Variants in PIGU observed in about 807,000 individuals in gnomAD.
The protein encoded by PIGU is GPI-anchor transamidase component PIGU.
A neutral mutation model predicts 49.9 loss-of-function variants in PIGU; 24 were observed. The ratio of observed to expected loss-of-function variants is 0.48; its 90% CI spans 0.35 to 0.68. The LOEUF (loss-of-function observed/expected upper bound fraction) is 0.68, where lower values mean the gene tolerates loss of function less well. Among genes scored for constraint, PIGU ranks in the 30% least tolerant of loss-of-function variants. PIGU has a pLI of 0.01. For missense variants in PIGU, 490 were observed against 532.6 expected (o/e 0.92, Z 0.79); for synonymous variants, 220 against 205.7 (o/e 1.07, Z -0.59).
intron 6 of PIGU, among the ~76,000 whole-genome samples, chr20:34,626,637 G>T (rs546515593): frequency 2.0e-5 from 3 of 152,174 alleles, no homozygotes; most frequent in East Asian, 3.9e-4. Flanking sequence ...ACTGCCCATG[G>T]TTGTACAAAT....
chr20:34,594,397 C>A (rs1161435038), intron 7 of PIGU, among the ~76,000 whole-genome samples: 2 of 152,070 alleles, frequency 1.3e-5, no homozygotes, highest in African/African-American at 4.8e-5. Flanking sequence ...GCGTACTACA[C>A]AGCCTTAAAA....
intron 7 of PIGU, among the ~76,000 whole-genome samples, chr20:34,607,044 C>T (rs987925207): frequency 1.3e-5 from 2 of 152,240 alleles, no homozygotes; most frequent in African/African-American, 4.8e-5. Context: ...CAGGCGTGAG[C>T]CACCATGCCC....
intron 6 of PIGU, among the ~76,000 whole-genome samples, chr20:34,625,856 G>T (rs1462636978): frequency 2.0e-5 from 3 of 151,068 alleles, no homozygotes; most frequent in Admixed American, 6.6e-5. Flanking sequence ...GTTACAGTGA[G>T]CTATGACTGT....
intron 1 of PIGU, 108 bp downstream of exon 1, chr20:34,676,844 CAGTT>C (rs1483910444): frequency 1.7e-5 from 23 of 1,317,674 alleles, no homozygotes; most frequent in Middle Eastern, 2.8e-4. Context: ...ACGAGACAGT[CAGTT>C]AGTTCTCTAG....
intron 1 of PIGU, among the ~76,000 whole-genome samples, chr20:34,673,863 G>A (rs751702889): frequency 4.0e-5 from 6 of 151,792 alleles, no homozygotes; most frequent in Non-Finnish European, 7.4e-5. Context: ...GACCAGCCTG[G>A]CTAATATGGT....
chr20:34,610,465 T>C (rs1406146629), intron 7 of PIGU, among the ~76,000 whole-genome samples: 1 of 152,028 alleles, frequency 6.6e-6, no homozygotes, highest in Non-Finnish European at 1.5e-5. Flanking sequence ...ATTGCTACAA[T>C]GAGAATAAAA....
At chr20:34,590,572 GTAACGTAACA>G (rs1383348698) in intron 7 of PIGU, among the ~76,000 whole-genome samples, 23 of 121,016 alleles carry the variant, frequency 1.9e-4, no homozygotes, top group African/African-American at 6.1e-4. Context: ...ATAAAATAGC[GTAACGTAACA>G]TAACATAACA....
chr20:34,672,856 C>A (rs6059975), intron 1 of PIGU, among the ~76,000 whole-genome samples: 40,552 of 113,400 alleles, frequency 0.36, 8,997 homozygotes, highest in Admixed American at 0.56. Context: ...CCCTGTCTCT[C>A]AAAAAAAAAA....
chr20:34,589,104 TACACAC>T (rs11469162), intron 7 of PIGU, among the ~76,000 whole-genome samples: 4,225 of 145,968 alleles, frequency 0.029, 73 homozygotes, highest in Middle Eastern at 0.045. Flanking sequence ...TACTATTATT[TACACAC>T]ACACACACAC....
At chr20:34,621,622 C>G (rs1476478421) in intron 6 of PIGU, among the ~76,000 whole-genome samples, 1 of 151,792 alleles carries the variant, frequency 6.6e-6, no homozygotes, top group Non-Finnish European at 1.5e-5. Context: ...TCAGAAAGGG[C>G]TATGTGTTTT....
intron 6 of PIGU, among the ~76,000 whole-genome samples, chr20:34,627,795 C>A (rs902151017): frequency 2.0e-5 from 3 of 152,108 alleles, no homozygotes; most frequent in Admixed American, 1.3e-4. Flanking sequence ...CTATCTGAAC[C>A]TGACACTCTG....
intron 1 of PIGU, among the ~76,000 whole-genome samples, chr20:34,668,515 A>G (rs1453891395): frequency 6.8e-6 from 1 of 146,628 alleles, no homozygotes; most frequent in Non-Finnish European, 1.5e-5. Context: ...TCACACCCGT[A>G]ATCCCAGCAC....
intron 7 of PIGU, among the ~76,000 whole-genome samples, chr20:34,591,039 A>AAATAT (rs1555796927): frequency 6.7e-6 from 1 of 150,316 alleles, no homozygotes; most frequent in Non-Finnish European, 1.5e-5. Flanking sequence ...GAGAAAAAAA[A>AAATAT]ATATATATAT....
At chr20:34,588,199 C>T (rs1032314352) in intron 8 of PIGU, among the ~76,000 whole-genome samples, 37 of 151,856 alleles carry the variant, frequency 2.4e-4, no homozygotes, top group African/African-American at 8.0e-4. Flanking sequence ...GTGCAGTGAG[C>T]GGAGATGGCC....
At chr20:34,581,776 C>T (rs1468555848) in intron 9 of PIGU, 104 bp from the exon 10 acceptor site, 1 of 1,406,006 alleles carries the variant, frequency 7.1e-7, no homozygotes, top group Non-Finnish European at 9.6e-7. Context: ...CCTCAGGGGA[C>T]TTCAGGAAGG....
rs1286690142 is a variant in PIGU at position 34,668,921 on chromosome 20, GCCAGGC to G, written c.130+8029_130+8034del. ...TTTTTACACAGGGTCTTGCTCTGGT[GCCAGGC>G]TACATACAGTGCAGTGGCATGATCA... On this transcript the variant is annotated intron_variant, in intron 1 of 11. Coordinates refer to ENST00000217446, the MANE Select transcript of PIGU (RefSeq NM_080476.5). Among the ~76,000 whole-genome samples, 774 of 110,454 alleles carry G rather than the reference GCCAGGC, an allele frequency of 7.0e-3. 8 individuals carry two copies. The highest frequency in any genetic ancestry group is 0.026 in the African/African-American group (732 of 28,168). The allele number at this position is 110,454 out of a possible 152,430, so 72.5% of individuals were successfully genotyped here.
chr20:34,663,524 A>G (rs979738958), intron 1 of PIGU, among the ~76,000 whole-genome samples: 16 of 152,096 alleles, frequency 1.1e-4, no homozygotes, highest in Non-Finnish European at 2.4e-4. Context: ...ACCACTACAT[A>G]TTTGTAAGGA....
chr20:34,624,715 C>G (rs868486151), intron 6 of PIGU, among the ~76,000 whole-genome samples: 2 of 152,298 alleles, frequency 1.3e-5, no homozygotes, highest in East Asian at 3.9e-4. Context: ...TTTGCCCAAG[C>G]AACAGCCTTC....
chr20:34,612,810 A>T (rs919304880), intron 7 of PIGU, among the ~76,000 whole-genome samples: 16 of 151,774 alleles, frequency 1.1e-4, no homozygotes, highest in Non-Finnish European at 2.2e-4. Context: ...TTTAGTAGAG[A>T]CAAGGTTTCG....
Sources: gnomAD v4.1 joint callset for allele counts (sites outside exome capture counted in the v4.1 genomes callset) on GRCh38, gnomAD v4.1.1 for gene constraint, MANE v1.5 for transcripts, NCBI Gene and HGNC (gene_info 2026-07-23, HGNC 2026-07-21) for gene names.